Variants in RIMBP2 observed in about 807,000 individuals in gnomAD.
RIMBP2 encodes RIMS-binding protein 2.
RIMBP2 carries 48 observed loss-of-function variants against 118.6 expected under a neutral mutation model. That is an observed-to-expected ratio of 0.40 (90% CI 0.32 to 0.51). The LOEUF (loss-of-function observed/expected upper bound fraction) is 0.51, where lower values mean the gene tolerates loss of function less well. RIMBP2 is among the 20% of genes least tolerant of loss of function. The pLI is 0.41. For synonymous variants in RIMBP2, 762 were observed against 742.9 expected (o/e 1.03, Z -0.42); for missense variants, 1,551 against 1,768.3 (o/e 0.88, Z 2.20).
chr12:130,709,336 G>T (rs956664301), intron 1 of RIMBP2, among the ~76,000 whole-genome samples: 3 of 152,172 alleles, frequency 2.0e-5, no homozygotes, highest in African/African-American at 7.2e-5. Flanking sequence ...TCAGCCACTC[G>T]CTGGGCACTG....
intron 1 of RIMBP2, among the ~76,000 whole-genome samples, chr12:130,641,304 C>T (rs1028325403): frequency 6.6e-6 from 1 of 151,788 alleles, no homozygotes; most frequent in African/African-American, 2.4e-5. Flanking sequence ...TGGTGACTGC[C>T]GGACACTCGG....
At position 130,636,847 on chromosome 12, in the gene RIMBP2, T is replaced by C. The variant is rs61507609; in HGVS notation, c.-351-8391A>G. 8.8e-3 allele frequency among the ~76,000 whole-genome samples: 1,342 copies of C among 152,310 alleles called. 19 individuals are homozygous for C. The highest frequency in any genetic ancestry group is 0.031 in the African/African-American group (1,272 of 41,556). The stretch of plus-strand genomic sequence containing the variant: ...GGATACCTACAGCTGGGTTTTTCAG[T>C]TGTGTTTCAACACATTCCCTTTTAG... On this transcript the variant is annotated intron_variant, in intron 1 of 22. Coordinates refer to ENST00000690449, the MANE Select transcript of RIMBP2 (RefSeq NM_001393629.1).
At chr12:130,646,507 C>T (rs897005151) in intron 1 of RIMBP2, among the ~76,000 whole-genome samples, 1 of 152,176 alleles carries the variant, frequency 6.6e-6, no homozygotes, top group African/African-American at 2.4e-5. Context: ...TTTCCTCCAG[C>T]TCCTAATGGC....
Position 130,434,827 on chromosome 12 carries a change from G to A in RIMBP2, c.2160C>T (p.Ala720=), listed in dbSNP as rs767890108. 6.2e-7 allele frequency: 1 copy of A among 1,613,754 alleles called. No homozygotes were observed. Among genetic ancestry groups the A allele is most frequent in the Non-Finnish European group, 8.5e-7 (1 of 1,179,990 alleles). ...LERSSAGQYA[A]SDEEDAYDSP... is the part of the protein sequence containing the mutation. ...AGTCATAGGCGTCCTCCTCGTCTGA[G>A]GCGGCGTACTGCCCCGCGCTGCTTC... Residue 720 remains alanine (A), a synonymous_variant, in exon 14 of 23, where the codon GCC becomes GCT. Coordinates refer to ENST00000690449, the MANE Select transcript of RIMBP2 (RefSeq NM_001393629.1). The surrounding 1 kb of genome is among the most constrained non-coding windows in gnomAD (Gnocchi z 5.7).
intron 2 of RIMBP2, among the ~76,000 whole-genome samples, chr12:130,615,572 A>G (rs1215609388): frequency 6.6e-6 from 1 of 151,832 alleles, no homozygotes; most frequent in Non-Finnish European, 1.5e-5. Flanking sequence ...CAGCCTCCCC[A>G]AAGTGCTGGG....
intron 1 of RIMBP2, among the ~76,000 whole-genome samples, chr12:130,675,888 G>A (rs375226679): frequency 1.3e-5 from 2 of 152,236 alleles, no homozygotes; most frequent in African/African-American, 4.8e-5. Flanking sequence ...GACCTCGCAT[G>A]CTGCAATTCT....
intron 2 of RIMBP2, among the ~76,000 whole-genome samples, chr12:130,610,132 C>T (rs1373198953): frequency 6.7e-6 from 1 of 148,960 alleles, no homozygotes; most frequent in Non-Finnish European, 1.5e-5. Context: ...CAGTCCCTCC[C>T]GTTCTGGGGG....
chr12:130,547,785 C>T (rs566546048), intron 2 of RIMBP2, among the ~76,000 whole-genome samples: 11 of 152,330 alleles, frequency 7.2e-5, no homozygotes, highest in South Asian at 4.1e-4. Flanking sequence ...TGCCTACGCT[C>T]GTTCCCACTC....
intron 2 of RIMBP2, among the ~76,000 whole-genome samples, chr12:130,559,097 A>T (rs181674379): frequency 1.5e-3 from 230 of 152,118 alleles, no homozygotes; most frequent in African/African-American, 5.1e-3. Flanking sequence ...ATGTTCTGAT[A>T]TATGTTTATG....
chr12:130,658,274 C>T (rs998070084), intron 1 of RIMBP2: 3 of 152,242 alleles, frequency 2.0e-5, no homozygotes, highest in African/African-American at 7.2e-5. Context: ...CAAATACTAA[C>T]ACACACCGCC....
At chr12:130,579,910 G>A (rs2058345883) in intron 2 of RIMBP2, among the ~76,000 whole-genome samples, 1 of 151,842 alleles carries the variant, frequency 6.6e-6, no homozygotes, top group South Asian at 2.1e-4. Context: ...TCACAGCCTG[G>A]GGCCAAATTC....
intron 3 of RIMBP2, among the ~76,000 whole-genome samples, chr12:130,512,946 T>C (rs532358912): frequency 1.3e-5 from 2 of 152,136 alleles, no homozygotes; most frequent in Non-Finnish European, 2.9e-5. Flanking sequence ...CCCAAATGTC[T>C]ATGTGTGTCA....
chr12:130,459,796 C>T (rs4759685), intron 6 of RIMBP2, among the ~76,000 whole-genome samples: 143,933 of 151,980 alleles, frequency 0.95, 68,643 homozygotes, highest in East Asian at 1. Flanking sequence ...GGGCCAAGGA[C>T]GAGGGTGAGC....
chr12:130,407,814 C>T lies in RIMBP2; in HGVS notation c.3605G>A (p.Ser1202Asn), dbSNP rs769650611. ...CGTCGATACCGAATGACGCCTGCCA[C>T]TTCTCCTGCTTCTCTCTGTTCAGAT... The part of the protein sequence containing the change: ...PVEKIERSRR[S>N]GRRHSVSTRR... The change falls in exon 20 of 23, where the codon AGT (serine) becomes AAT (asparagine). Residue 1202 changes from serine to asparagine, a missense_variant. This residue lies in a region of RIMBP2 where 1,038 missense variants were observed against 1,125.1 expected (regional missense o/e 0.92). Coordinates refer to ENST00000690449, the MANE Select transcript of RIMBP2 (RefSeq NM_001393629.1). 6.2e-7 allele frequency: 1 copy of T among 1,613,954 alleles called. No individual in the cohort carries two copies. Among genetic ancestry groups the T allele is most frequent in the Non-Finnish European group, 8.5e-7 (1 of 1,179,822 alleles).
intron 4 of RIMBP2, among the ~76,000 whole-genome samples, chr12:130,496,595 A>C (rs780381002): frequency 6.6e-6 from 1 of 152,014 alleles, no homozygotes; most frequent in Non-Finnish European, 1.5e-5. Context: ...GTGATACCTC[A>C]TGAAAGGCCA....
At position 130,424,852 on chromosome 12, in the gene RIMBP2, T is replaced by C; in HGVS notation, c.2419A>G (p.Thr807Ala). The C allele has an allele frequency of 8.1e-7, 1 of 1,232,354 alleles. No individual in the cohort carries two copies. The highest frequency in any genetic ancestry group is 1.0e-6 in the Non-Finnish European group (1 of 988,152). The allele number at this position is 1,232,354 out of a possible 1,614,324, so 76.3% of individuals were successfully genotyped here. A position where few individuals can be genotyped will look rare whatever the true frequency, so the allele number is the denominator to read the frequency against. ...GTGCCTTCCGAGGTCCTATGGTCAG[T>C]GCAGTCCTTACGGGGTGGTGTGTCA... ...GTSHNALKDCTDHRTSEGTFW... is the reference protein window; with the variant it reads ...GTSHNALKDCADHRTSEGTFW... Residue 807 changes from threonine to alanine, a missense_variant, in exon 16 of 23, where the codon ACT becomes GCT. Coordinates refer to ENST00000690449, the MANE Select transcript of RIMBP2 (RefSeq NM_001393629.1). The surrounding 1 kb of genome is among the most constrained non-coding windows in gnomAD (Gnocchi z 9.8).
intron 1 of RIMBP2, among the ~76,000 whole-genome samples, chr12:130,676,126 A>G (rs2136495237): frequency 6.6e-6 from 1 of 152,336 alleles, no homozygotes; most frequent in Middle Eastern, 3.4e-3. Context: ...CTTCCCAGCC[A>G]CCAGCGCTGT....
At chr12:130,663,366 CAT>C (rs538944394) in intron 1 of RIMBP2, among the ~76,000 whole-genome samples, 28 of 152,082 alleles carry the variant, frequency 1.8e-4, no homozygotes, top group Admixed American at 1.4e-3. Flanking sequence ...TTCAAATCCA[CAT>C]GTCTGGCCAA....
intron 2 of RIMBP2, among the ~76,000 whole-genome samples, chr12:130,572,105 C>T (rs2057716581): frequency 7.2e-6 from 1 of 138,300 alleles, no homozygotes; most frequent in Non-Finnish European, 1.7e-5. Flanking sequence ...CTTCAGTTCC[C>T]TGCTCCACCC....
Sources: gnomAD v4.1 joint callset for allele counts (sites outside exome capture counted in the v4.1 genomes callset) on GRCh38, gnomAD v4.1.1 for gene constraint, gnomAD v4.1.1 regional missense constraint, Gnocchi (gnomAD v3.1) non-coding constraint, MANE v1.5 for transcripts, NCBI Gene and HGNC (gene_info 2026-07-23, HGNC 2026-07-21) for gene names.